MLLT10: variants seen among roughly 807,000 people sequenced by gnomAD.
MLLT10 encodes the protein protein AF-10.
In MLLT10, 30 loss-of-function variants were observed where a neutral mutation model predicts 129.1. The ratio of observed to expected loss-of-function variants is 0.23; its 90% CI spans 0.17 to 0.32. MLLT10 has a LOEUF of 0.32. Among genes scored for constraint, MLLT10 ranks in the 10% least tolerant of loss-of-function variants. The pLI is 1.00. For synonymous variants in MLLT10, 490 were observed against 446.4 expected (o/e 1.10, Z -1.23); for missense variants, 1,119 against 1,268.3 (o/e 0.88, Z 1.79).
intron 13 of MLLT10, among the ~76,000 whole-genome samples, chr10:21,700,023 T>G (rs373828840): frequency 7.9e-5 from 12 of 152,260 alleles, no homozygotes; most frequent in African/African-American, 2.9e-4. Context: ...TGTCTTTAAA[T>G]TTGTTTGTGT....
In MLLT10 at chr10:21,740,067, A is replaced by T; in HGVS notation, c.2993A>T (p.His998Leu). 1 of 1,613,482 alleles carries T rather than the reference A, an allele frequency of 6.2e-7. No individual in the cohort carries two copies. The highest frequency in any genetic ancestry group is 8.5e-7 in the Non-Finnish European group (1 of 1,179,698). Residue 998 changes from histidine (H) to leucine (L), a missense_variant, in exon 22 of 23, where the codon CAT (histidine) becomes CTT (leucine). Physicochemically the swap from His to Leu is moderately conservative, Grantham distance 99. Around this residue, in one of 5 missense-constraint regions of MLLT10, gnomAD observed 1,004 missense variants for 1,008.7 expected, o/e 1.00. Coordinates refer to ENST00000307729, the MANE Select transcript of MLLT10 (RefSeq NM_001195626.3). Reference protein sequence around the residue: ...HQAFLYQLMQHHHQQHHQPEL... With the variant: ...HQAFLYQLMQLHHQQHHQPEL... Reference sequence around the variant, plus strand: ...GCCTTTTTGTATCAGTTAATGCAACATCACCACCAGCAGCACCACCAACCT... The same window carrying T: ...GCCTTTTTGTATCAGTTAATGCAACTTCACCACCAGCAGCACCACCAACCT...
At chr10:21,601,740 A>G (rs2043551673) in intron 5 of MLLT10, among the ~76,000 whole-genome samples, 1 of 152,138 alleles carries the variant, frequency 6.6e-6, no homozygotes, top group African/African-American at 2.4e-5. Context: ...ATCTTGCTAT[A>G]TATAGCCCAG....
In MLLT10 at chr10:21,733,010, A is replaced by C; in HGVS notation, c.2330A>C (p.Gln777Pro). The C allele has an allele frequency of 6.2e-7, 1 of 1,613,988 alleles. No individual in the cohort carries two copies. Among genetic ancestry groups the C allele is most frequent in the East Asian group, 2.2e-5 (1 of 44,842 alleles). ...KKERLQLLNA[Q>P]LSVPFPTITA... ...GAACGGCTTCAGTTATTGAATGCAC[A>C]GCTTTCAGTGCCTTTTCCAACAATA... Residue 777 changes from glutamine to proline, a missense_variant, in exon 18 of 23, where the codon CAG becomes CCG. By Grantham distance (76) the Gln-to-Pro change is moderately conservative (BLOSUM62 -1). Coordinates refer to ENST00000307729, the MANE Select transcript of MLLT10 (RefSeq NM_001195626.3).
At chr10:21,603,273 G>T (rs1370954655) in intron 5 of MLLT10, among the ~76,000 whole-genome samples, 2 of 148,402 alleles carry the variant, frequency 1.3e-5, no homozygotes, top group African/African-American at 5.0e-5. Context: ...CACCATGTTG[G>T]CCAGGCTGGT....
intron 14 of MLLT10, among the ~76,000 whole-genome samples, chr10:21,719,830 C>G (rs1222437887): frequency 1.3e-5 from 2 of 152,118 alleles, no homozygotes; most frequent in Non-Finnish European, 2.9e-5. Context: ...ACTCTTCAGC[C>G]TAATTACCAG....
At chr10:21,633,740 C>G (rs925131810) in intron 8 of MLLT10, among the ~76,000 whole-genome samples, 1 of 152,096 alleles carries the variant, frequency 6.6e-6, no homozygotes, top group African/African-American at 2.4e-5. Flanking sequence ...CATTGTGATG[C>G]TTCCTCTCTA....
intron 8 of MLLT10, chr10:21,626,155 T>G: frequency 6.2e-7 from 1 of 1,610,166 alleles, no homozygotes; most frequent in Non-Finnish European, 8.5e-7. Flanking sequence ...CACATAAAAA[T>G]GCACTTTTGT....
chr10:21,689,573 A>G (rs868755950), intron 13 of MLLT10, among the ~76,000 whole-genome samples: 156 of 136,304 alleles, frequency 1.1e-3, no homozygotes, highest in Non-Finnish European at 1.8e-3. Flanking sequence ...ATGTATATAT[A>G]TATATATATA....
intron 9 of MLLT10, among the ~76,000 whole-genome samples, chr10:21,667,256 C>T (rs2050903093): frequency 6.6e-6 from 1 of 151,770 alleles, no homozygotes; most frequent in Admixed American, 6.6e-5. Context: ...TGTAACATTT[C>T]CTCTTTATCA....
intron 8 of MLLT10, among the ~76,000 whole-genome samples, chr10:21,638,019 T>C (rs2047618208): frequency 6.6e-6 from 1 of 152,072 alleles, no homozygotes; most frequent in South Asian, 2.1e-4. Flanking sequence ...TGGAATCCTA[T>C]GCTGTTTCTG....
chr10:21,538,806 A>T, intron 2 of MLLT10, 27 bp from the exon 3 acceptor site: 1 of 1,555,580 alleles, frequency 6.4e-7, no homozygotes, highest in Non-Finnish European at 8.8e-7. Context: ...GAATCTTAAC[A>T]TTTTAACACA....
chr10:21,573,334 A>T (rs913578705), intron 3 of MLLT10, among the ~76,000 whole-genome samples: 4 of 152,210 alleles, frequency 2.6e-5, no homozygotes, highest in Non-Finnish European at 5.9e-5. Flanking sequence ...TGGCAAGGCC[A>T]ACAGAACCCA....
intron 4 of MLLT10, among the ~76,000 whole-genome samples, chr10:21,589,797 A>G (rs181342327): frequency 1.2e-4 from 19 of 152,290 alleles, no homozygotes; most frequent in Admixed American, 1.0e-3. Flanking sequence ...TTTGAATTCT[A>G]TATAGAACTT....
chr10:21,571,309 C>A lies in MLLT10; in HGVS notation c.241-14985C>A, dbSNP rs540675727. On this transcript the variant is annotated intron_variant, in intron 3 of 22. Coordinates refer to ENST00000307729, the MANE Select transcript of MLLT10 (RefSeq NM_001195626.3). ...AGTTCTAGGGTGAGCCTTTGTAGATCTCTTCATTTCTCTCTCTCTCTCCAG... is the reference window on the plus strand; with the variant it reads ...AGTTCTAGGGTGAGCCTTTGTAGATATCTTCATTTCTCTCTCTCTCTCCAG... Among the ~76,000 whole-genome samples the A allele has an allele frequency of 2.6e-5, 4 of 152,190 alleles. No individual in the cohort carries two copies. The South Asian group carries it at 8.3e-4, about 32-fold the overall frequency.
At chr10:21,555,675 A>ATT (rs748016694) in intron 3 of MLLT10, among the ~76,000 whole-genome samples, 7 of 132,742 alleles carry the variant, frequency 5.3e-5, no homozygotes, top group Non-Finnish European at 9.8e-5. Context: ...ATGTAAGACA[A>ATT]TTTTTTTTTT....
intron 3 of MLLT10, among the ~76,000 whole-genome samples, chr10:21,540,452 A>C (rs2034945366): frequency 1.3e-5 from 2 of 151,592 alleles, no homozygotes; most frequent in African/African-American, 2.4e-5. Context: ...GCTACTCTGG[A>C]AGCTGAGACA....
intron 16 of MLLT10, among the ~76,000 whole-genome samples, chr10:21,728,821 A>C (rs898560581): frequency 6.6e-6 from 1 of 151,146 alleles, no homozygotes; most frequent in Non-Finnish European, 1.5e-5. Flanking sequence ...TGAGGCCTGG[A>C]GTTCAAGACC....
At chr10:21,584,409 C>T (rs1187691950) in intron 3 of MLLT10, among the ~76,000 whole-genome samples, 8 of 152,092 alleles carry the variant, frequency 5.3e-5, no homozygotes, top group Middle Eastern at 3.4e-3. Context: ...GTGATCCACC[C>T]GCCTTGGCCT....
rs188095287 is a variant in MLLT10, at chr10:21,618,453, C to T, written c.699+1246C>T. On this transcript the variant is annotated intron_variant, in intron 8 of 22. Transcript: ENST00000307729. Reference sequence around the variant, plus strand: ...CCAGGAGGCAGAGATTGCAGTGAGCCGAGATCATGCCACTGCACTCCAGCC... The same window carrying T: ...CCAGGAGGCAGAGATTGCAGTGAGCTGAGATCATGCCACTGCACTCCAGCC... Among the ~76,000 whole-genome samples, 1,073 of 151,790 alleles carry T rather than the reference C, an allele frequency of 7.1e-3. 7 individuals are homozygous for T. The highest frequency in any genetic ancestry group is 0.012 in the Non-Finnish European group (805 of 67,948).
Sources: allele counts gnomAD v4.1 joint callset (sites outside exome capture counted in the v4.1 genomes callset), GRCh38; gene constraint gnomAD v4.1.1; regional missense constraint gnomAD v4.1.1; transcripts MANE v1.5; gene names NCBI Gene and HGNC (gene_info 2026-07-23, HGNC 2026-07-21).